Variants in BRAF observed in about 807,000 individuals in gnomAD.
The protein encoded by BRAF is serine/threonine-protein kinase B-raf.
In BRAF, 16 loss-of-function variants were observed where a neutral mutation model predicts 104.6. The ratio of observed to expected loss-of-function variants is 0.15; its 90% CI spans 0.10 to 0.23. The LOEUF is 0.23. Among genes scored for constraint, BRAF ranks in the 10% least tolerant of loss-of-function variants. The pLI is 1.00. For missense variants in BRAF, 541 were observed against 937.3 expected (o/e 0.58, Z 5.52); for synonymous variants, 310 against 341.6 (o/e 0.91, Z 1.02).
intron 16 of BRAF, 85 bp from the exon 16 acceptor site, chr7:140,749,503 C>T (rs1797617025): frequency 7.0e-7 from 1 of 1,426,800 alleles, no homozygotes; most frequent in Non-Finnish European, 9.8e-7. Flanking sequence ...TAGAGCAATG[C>T]TTTTACCATT....
At chr7:140,764,755 C>G (rs1293817629) in intron 14 of BRAF, among the ~76,000 whole-genome samples, 1 of 152,092 alleles carries the variant, frequency 6.6e-6, no homozygotes, top group Non-Finnish European at 1.5e-5. Flanking sequence ...TGTGAAGGAC[C>G]TCTTCAAGGA....
chr7:140,814,777 ATAT>A (rs929961935), intron 3 of BRAF, among the ~76,000 whole-genome samples: 42 of 143,268 alleles, frequency 2.9e-4, no homozygotes, highest in African/African-American at 9.9e-4. Context: ...TATATAACAT[ATAT>A]ATTATATATA....
At chr7:140,793,302 A>G (rs570230643) in intron 8 of BRAF, among the ~76,000 whole-genome samples, 1 of 152,320 alleles carries the variant, frequency 6.6e-6, no homozygotes, top group African/African-American at 2.4e-5. Flanking sequence ...TTGATTTCTT[A>G]TATCACATTC....
intron 1 of BRAF, among the ~76,000 whole-genome samples, chr7:140,883,035 T>TA (rs909918738): frequency 5.3e-5 from 8 of 151,260 alleles, no homozygotes; most frequent in African/African-American, 1.9e-4. Flanking sequence ...AATAAATAAA[T>TA]AAATAAATAA....
chr7:140,808,160 T>C, intron 4 of BRAF, 98 bp from the exon 5 acceptor site: 1 of 910,428 alleles, frequency 1.1e-6, no homozygotes, highest in South Asian at 1.4e-5. Context: ...GAGGGGCTAG[T>C]AACAGTGAGG....
chr7:140,725,300 T>G lies in BRAF; in HGVS notation c.*1194A>C. The G allele has an allele frequency of 9.7e-7, 1 of 1,034,398 alleles. No individual in the cohort carries two copies. 64.1% of individuals were successfully genotyped at this position (1,034,398 alleles called of 1,614,324 possible). On this transcript the variant is annotated 3_prime_UTR_variant, in exon 20 of 20. Transcript: ENST00000644969. Reference sequence around the variant, plus strand: ...GCAAGTACCATTAATTGAAAAATTATAAATATTTGTCATTATGCTAAGACT... The same window carrying G: ...GCAAGTACCATTAATTGAAAAATTAGAAATATTTGTCATTATGCTAAGACT...
rs1563220015 is a variant in BRAF at position 140,719,380 on chromosome 7, A to C, written c.*7114T>G. 1 of 1,005,650 alleles carries C rather than the reference A, an allele frequency of 9.9e-7. No homozygotes were observed. 62.3% of individuals were successfully genotyped at this position (1,005,650 alleles called of 1,614,324 possible). ...ATTATAGCAGTATTCGCATATTCACATCAAGTACATAGAACTTTTTTTGCC... is the reference window on the plus strand; with the variant it reads ...ATTATAGCAGTATTCGCATATTCACCTCAAGTACATAGAACTTTTTTTGCC... On this transcript the variant is annotated 3_prime_UTR_variant, in exon 20 of 20. Coordinates refer to ENST00000644969, the MANE Select transcript of BRAF (RefSeq NM_001374258.1).
At chr7:140,869,548 A>G (rs1481669385) in intron 1 of BRAF, among the ~76,000 whole-genome samples, 1 of 151,766 alleles carries the variant, frequency 6.6e-6, no homozygotes, top group Non-Finnish European at 1.5e-5. Flanking sequence ...CATGAGAATC[A>G]CTTGAACCTG....
intron 3 of BRAF, among the ~76,000 whole-genome samples, chr7:140,830,431 T>C (rs1028566327): frequency 6.6e-6 from 1 of 152,202 alleles, no homozygotes; most frequent in South Asian, 2.1e-4. Flanking sequence ...CCTAAAACTC[T>C]TGTAATTTCC....
At chr7:140,872,844 T>C (rs1454706644) in intron 1 of BRAF, among the ~76,000 whole-genome samples, 1 of 152,052 alleles carries the variant, frequency 6.6e-6, no homozygotes, top group Non-Finnish European at 1.5e-5. Flanking sequence ...GCCTGGGTGC[T>C]TGGAGGGATA....
chr7:140,924,098 G>A lies in BRAF; in HGVS notation c.138+468C>T, dbSNP rs529722201. On this transcript the variant is annotated intron_variant, in intron 1 of 19. Transcript: ENST00000644969. This position sits in a 1 kb window ranked among gnomAD's most constrained non-coding sequence, Gnocchi z 4.2. ...GGGGGGCAGTCCGGGAGAGGAGAGA[G>A]GAAATGATGAGCCCCATCATCCCCA... 1.3e-5 allele frequency among the ~76,000 whole-genome samples: 2 copies of A among 152,176 alleles called. No individual in the cohort carries two copies. The highest frequency in any genetic ancestry group is 2.1e-4 in the South Asian group (1 of 4,828).
At chr7:140,759,303 CA>C (rs1798468064) in intron 14 of BRAF, among the ~76,000 whole-genome samples, 2 of 152,214 alleles carry the variant, frequency 1.3e-5, no homozygotes, top group African/African-American at 4.8e-5. Context: ...ATGGCTGTAT[CA>C]TTTAAAATCT....
At chr7:140,882,319 T>C (rs1301601614) in intron 1 of BRAF, among the ~76,000 whole-genome samples, 1 of 151,330 alleles carries the variant, frequency 6.6e-6, no homozygotes, top group Non-Finnish European at 1.5e-5. Flanking sequence ...TTTGAGTTCA[T>C]CTCAAATGAG....
chr7:140,798,272 C>CTTTTTTTT lies in BRAF; in HGVS notation c.980+2082_980+2089dup, dbSNP rs10525418. 1.8e-4 allele frequency among the ~76,000 whole-genome samples: 21 copies of CTTTTTTTT among 115,610 alleles called. 6 individuals are homozygous for CTTTTTTTT. Among genetic ancestry groups the CTTTTTTTT allele is most frequent in the Non-Finnish European group, 3.1e-4 (19 of 60,572 alleles). The allele number at this position is 115,610 out of a possible 152,430, so 75.8% of individuals were successfully genotyped here. Reference sequence around the variant, plus strand: ...AATGCTGTATGGGGACTTTTTTTTTCTTTTTTTTGAGACGGAGTCTTGCTC... The same window carrying CTTTTTTTT: ...AATGCTGTATGGGGACTTTTTTTTTCTTTTTTTTTTTTTTTTGAGACGGAGTCTTGCTC... On this transcript the variant is annotated intron_variant, in intron 7 of 19. Coordinates refer to ENST00000644969, the MANE Select transcript of BRAF (RefSeq NM_001374258.1).
chr7:140,840,519 G>A (rs1008291321), intron 2 of BRAF, among the ~76,000 whole-genome samples: 4 of 151,952 alleles, frequency 2.6e-5, no homozygotes, highest in African/African-American at 7.2e-5. Context: ...GGCCAGGTGC[G>A]GTGGCTCATA....
At chr7:140,869,178 A>G (rs1340025025) in intron 1 of BRAF, among the ~76,000 whole-genome samples, 1 of 152,216 alleles carries the variant, frequency 6.6e-6, no homozygotes, top group Non-Finnish European at 1.5e-5. Flanking sequence ...AGCTGGGTAT[A>G]CAAATCTGAA....
chr7:140,844,254 AT>A (rs1347893337), intron 2 of BRAF, among the ~76,000 whole-genome samples: 3 of 152,182 alleles, frequency 2.0e-5, no homozygotes, highest in Admixed American at 6.5e-5. Flanking sequence ...TTAAAAAAAA[AT>A]AAAAATAAAA....
At chr7:140,890,751 T>C (rs1814126402) in intron 1 of BRAF, among the ~76,000 whole-genome samples, 1 of 152,230 alleles carries the variant, frequency 6.6e-6, no homozygotes, top group African/African-American at 2.4e-5. Flanking sequence ...CAGGTGCTTC[T>C]GATGTACAGG....
intron 14 of BRAF, among the ~76,000 whole-genome samples, chr7:140,772,674 C>G (rs1191898870): frequency 6.6e-6 from 1 of 151,962 alleles, no homozygotes; most frequent in East Asian, 1.9e-4. Flanking sequence ...GTCATTGACA[C>G]TAGAGAAGAA....
Sources: allele counts gnomAD v4.1 joint callset (sites outside exome capture counted in the v4.1 genomes callset), GRCh38; gene constraint gnomAD v4.1.1; non-coding constraint Gnocchi (gnomAD v3.1); transcripts MANE v1.5; gene names NCBI Gene and HGNC (gene_info 2026-07-23, HGNC 2026-07-21).